Variants in SORCS1 observed in about 807,000 individuals in gnomAD.
The protein encoded by SORCS1 is sortilin related VPS10 domain containing receptor 1.
Under a neutral mutation model 146.1 loss-of-function variants are expected in SORCS1, and 60 were observed. That is an observed-to-expected ratio of 0.41 (90% CI 0.33 to 0.51). The LOEUF is 0.51. Ranked by LOEUF, SORCS1 falls within the 20% of genes least tolerant of loss-of-function variation. The pLI, the probability that SORCS1 is intolerant of heterozygous loss-of-function variation, is 0.21. For synonymous variants in SORCS1, 637 were observed against 584.0 expected, an observed-to-expected ratio of 1.09 and a Z score of -1.31; for missense variants, 1,352 against 1,487.6, an observed-to-expected ratio of 0.91 and a Z score of 1.50.
intron 1 of SORCS1, among the ~76,000 whole-genome samples, chr10:107,071,324 G>C (rs1406030318): frequency 6.6e-6 from 1 of 151,992 alleles, no homozygotes; most frequent in Admixed American, 6.6e-5. Context: ...TAACAGTGTT[G>C]AAGCTTTTAC....
rs1163131879 is a variant in SORCS1 at position 106,971,780 on chromosome 10, G to C, written c.559-15200C>G. Among the ~76,000 whole-genome samples, 3 of 152,296 alleles carry C rather than the reference G, an allele frequency of 2.0e-5. No homozygotes were observed. In the East Asian group the frequency reaches 5.8e-4, roughly 29 times the overall value. ...CAGAGATCCACTTTCCATTCTGTCA[G>C]TTTCTTCTATCTAGGAAAAGACAGC... On this transcript the variant is annotated intron_variant, in intron 1 of 25. Coordinates refer to ENST00000263054, the MANE Select transcript of SORCS1 (RefSeq NM_052918.5).
intron 3 of SORCS1, among the ~76,000 whole-genome samples, chr10:106,786,552 C>A (rs560821541): frequency 6.6e-6 from 1 of 152,114 alleles, no homozygotes; most frequent in Non-Finnish European, 1.5e-5. Flanking sequence ...CATGACCCAT[C>A]CTTGGAAGAC....
At chr10:107,046,570 A>G (rs1225022349) in intron 1 of SORCS1, among the ~76,000 whole-genome samples, 1 of 152,176 alleles carries the variant, frequency 6.6e-6, no homozygotes, top group Non-Finnish European at 1.5e-5. Flanking sequence ...GATGGGTGAG[A>G]AAATGCAGAG....
chr10:107,151,991 GGAGGGAAAAATGCTTTA>G (rs1336868563), intron 1 of SORCS1, among the ~76,000 whole-genome samples: 1 of 152,140 alleles, frequency 6.6e-6, no homozygotes, highest in African/African-American at 2.4e-5. Flanking sequence ...CAGAGGCCTA[GGAGGGAAAAATGCTTTA>G]GTGGACCAGG....
intron 2 of SORCS1, among the ~76,000 whole-genome samples, chr10:106,917,837 C>G (rs1336037641): frequency 6.6e-6 from 1 of 152,178 alleles, no homozygotes; most frequent in Non-Finnish European, 1.5e-5. Context: ...AGGTACAGAA[C>G]AAATATCTAA....
chr10:106,689,148 C>T (rs1344790617), intron 9 of SORCS1, among the ~76,000 whole-genome samples: 1 of 152,158 alleles, frequency 6.6e-6, no homozygotes, highest in Non-Finnish European at 1.5e-5. Flanking sequence ...AATTATTTGG[C>T]TCTGAAAATA....
chr10:106,663,207 G>A (rs1650510665), intron 17 of SORCS1, among the ~76,000 whole-genome samples: 1 of 151,986 alleles, frequency 6.6e-6, no homozygotes, highest in Non-Finnish European at 1.5e-5. Flanking sequence ...AAATGAGAAA[G>A]TGCCCTTATA....
At chr10:106,779,196 T>G (rs1015335224) in intron 3 of SORCS1, among the ~76,000 whole-genome samples, 1 of 152,192 alleles carries the variant, frequency 6.6e-6, no homozygotes, top group East Asian at 1.9e-4. Flanking sequence ...ATCTGAGAAT[T>G]TGACATTTTG....
At chr10:106,697,260 C>T (rs559658133) in intron 9 of SORCS1, among the ~76,000 whole-genome samples, 2 of 152,010 alleles carry the variant, frequency 1.3e-5, no homozygotes, top group South Asian at 2.1e-4. Flanking sequence ...GTCAGGAGTT[C>T]GAGATCAGCC....
At chr10:106,697,515 G>A (rs1389391519) in intron 9 of SORCS1, among the ~76,000 whole-genome samples, 1 of 152,068 alleles carries the variant, frequency 6.6e-6, no homozygotes, top group Non-Finnish European at 1.5e-5. Context: ...TCACGTGGCT[G>A]CACTAATTTC....
chr10:106,679,250 T>G lies in SORCS1; in HGVS notation c.1740+6A>C, dbSNP rs767938661. ...TTCAGCGATTTGACCCAGGGTATTT[T>G]CTTACCTGTCTCCAGGTGTTCCCTG... On this transcript the variant is annotated splice_donor_region_variant and intron_variant, in intron 12 of 25. Transcript: ENST00000263054. The G allele has an allele frequency of 1.6e-5, 25 of 1,608,394 alleles. No homozygotes were observed. The highest frequency in any genetic ancestry group is 2.1e-5 in the Non-Finnish European group (25 of 1,177,148).
At chr10:106,943,302 G>A (rs568580742) in intron 2 of SORCS1, among the ~76,000 whole-genome samples, 10 of 152,264 alleles carry the variant, frequency 6.6e-5, no homozygotes, top group African/African-American at 2.4e-4. Context: ...TGTATGTCTA[G>A]GAACTGGGGA....
intron 24 of SORCS1, 117 bp from the exon 25 acceptor site, chr10:106,579,591 T>C: frequency 9.9e-7 from 1 of 1,008,254 alleles, no homozygotes; most frequent in African/African-American, 1.6e-5. Flanking sequence ...CCATGTGGGA[T>C]ATACACACAA....
chr10:106,795,793 T>A (rs1946526968), intron 3 of SORCS1, among the ~76,000 whole-genome samples: 1 of 152,172 alleles, frequency 6.6e-6, no homozygotes, highest in Non-Finnish European at 1.5e-5. Flanking sequence ...GGTCAACCTC[T>A]AAGAGACAGC....
In SORCS1 at chr10:106,964,059, C is replaced by T. The variant is rs114478099; in HGVS notation, c.559-7479G>A. Reference sequence around the variant, plus strand: ...AAGATGAGTGTGATTCTGATAAAGACGAGAGGTATACAAAGGGTACTGCAA... The same window carrying T: ...AAGATGAGTGTGATTCTGATAAAGATGAGAGGTATACAAAGGGTACTGCAA... On this transcript the variant is annotated intron_variant, in intron 1 of 25. Transcript: ENST00000263054. Among the ~76,000 whole-genome samples the T allele has an allele frequency of 2.3e-3, 348 of 152,150 alleles. 3 individuals are homozygous for T. Among genetic ancestry groups the T allele is most frequent in the African/African-American group, 7.8e-3 (324 of 41,488 alleles).
At chr10:107,155,658 T>C (rs1202538913) in intron 1 of SORCS1, among the ~76,000 whole-genome samples, 1 of 151,996 alleles carries the variant, frequency 6.6e-6, no homozygotes, top group Non-Finnish European at 1.5e-5. Context: ...AAGGGGAAGA[T>C]CTTTCGCTTT....
intron 3 of SORCS1, among the ~76,000 whole-genome samples, chr10:106,798,497 C>T (rs1312795647): frequency 2.0e-5 from 3 of 146,828 alleles, no homozygotes; most frequent in Admixed American, 7.0e-5. Flanking sequence ...TCCAAGTGTT[C>T]TCATTGTTCA....
chr10:106,656,813 C>T (rs200238597), intron 17 of SORCS1, among the ~76,000 whole-genome samples: 1 of 152,124 alleles, frequency 6.6e-6, no homozygotes, highest in South Asian at 2.1e-4. Context: ...TAGATGGATA[C>T]CCAGGCTCTG....
At chr10:106,953,094 T>C (rs929319219) in intron 2 of SORCS1, among the ~76,000 whole-genome samples, 4 of 152,006 alleles carry the variant, frequency 2.6e-5, no homozygotes, top group Admixed American at 2.0e-4. Flanking sequence ...ATATGGCAAA[T>C]GACTATTAGG....
Sources: gnomAD v4.1 joint callset for allele counts (sites outside exome capture counted in the v4.1 genomes callset) on GRCh38, gnomAD v4.1.1 for gene constraint, MANE v1.5 for transcripts, NCBI Gene and HGNC (gene_info 2026-07-23, HGNC 2026-07-21) for gene names.